Variants in CALN1 observed in about 807,000 individuals in gnomAD.
The protein encoded by CALN1 is calneuron 1.
CALN1 carries 17 observed loss-of-function variants against 30.6 expected under a neutral mutation model. That is an observed-to-expected ratio of 0.56 (90% CI 0.38 to 0.83). The LOEUF is 0.83. Among genes scored for constraint, CALN1 ranks in the 40% least tolerant of loss-of-function variants. The pLI, the probability that CALN1 is intolerant of heterozygous loss-of-function variation, is 0.00. For missense variants in CALN1, 291 were observed against 354.9 expected (o/e 0.82, Z 1.45); for synonymous variants, 156 against 131.4 (o/e 1.19, Z -1.28).
rs767661571 is a variant in CALN1, at chr7:71,810,510, A to G, written c.502-18T>C. 1 of 1,611,178 alleles carries G rather than the reference A, an allele frequency of 6.2e-7. No individual in the cohort carries two copies. The highest frequency in any genetic ancestry group is 1.3e-5 in the African/African-American group (1 of 74,944). ...ATGTCAAACTGTGGAGATAAAGAGT[A>G]GTGAGATGGTCAGAAGCATGTGGAG... is the stretch of plus-strand genomic sequence containing the variant. On this transcript the variant is annotated intron_variant, in intron 5 of 6. Transcript: ENST00000395275.
At chr7:72,495,584 C>G in the CALN1 span, among the ~76,000 whole-genome samples, 1 of 152,188 alleles carries the variant, frequency 6.6e-6, no homozygotes, top group East Asian at 1.9e-4. Context: ...GACCCCTAAG[C>G]CTGACCTCAA....
At chr7:72,353,014 AAC>A (rs1237112684) in intron 2 of CALN1, among the ~76,000 whole-genome samples, 1 of 152,170 alleles carries the variant, frequency 6.6e-6, no homozygotes, top group Non-Finnish European at 1.5e-5. Flanking sequence ...TCTTTTAAGA[AAC>A]ACAAATTACC....
chr7:72,293,443 G>A (rs968394489), intron 2 of CALN1, among the ~76,000 whole-genome samples: 21 of 152,288 alleles, frequency 1.4e-4, no homozygotes, highest in Non-Finnish European at 2.5e-4. Context: ...AAAGCAGATC[G>A]AGATGGGGAA....
intron 3 of CALN1, among the ~76,000 whole-genome samples, chr7:72,147,481 G>GAGGTGGAGAAATAGGAAC (rs775589538): frequency 9.9e-6 from 1 of 100,912 alleles, no homozygotes; most frequent in Non-Finnish European, 2.3e-5. Flanking sequence ...TGTTGGAGAG[G>GAGGTGGAGAAATAGGAAC]ACTGTTACAC....
intron 3 of CALN1, among the ~76,000 whole-genome samples, chr7:72,247,230 T>C (rs6460709): frequency 0.24 from 5,140 of 21,604 alleles, 439 homozygotes; most frequent in East Asian, 0.37. Flanking sequence ...TTTCTTTCTT[T>C]TTTTTTTTTT....
chr7:72,094,315 C>T (rs1806072060), intron 4 of CALN1, among the ~76,000 whole-genome samples: 1 of 152,072 alleles, frequency 6.6e-6, no homozygotes, highest in Non-Finnish European at 1.5e-5. Context: ...AGTGCAATGG[C>T]ACAATCTCAG....
intron 5 of CALN1, among the ~76,000 whole-genome samples, chr7:71,933,272 G>T (rs1481493061): frequency 6.6e-6 from 1 of 152,130 alleles, no homozygotes; most frequent in Non-Finnish European, 1.5e-5. Flanking sequence ...AGGTGGCCAG[G>T]CTTCCCTGCG....
chr7:72,149,992 A>C (rs1458873478), intron 3 of CALN1, among the ~76,000 whole-genome samples: 1 of 151,996 alleles, frequency 6.6e-6, no homozygotes, highest in African/African-American at 2.4e-5. Context: ...GCATGGTGGC[A>C]GATGCCTATA....
chr7:72,238,629 G>T (rs936786004), intron 3 of CALN1, among the ~76,000 whole-genome samples: 1 of 152,056 alleles, frequency 6.6e-6, no homozygotes, highest in Admixed American at 6.6e-5. Flanking sequence ...GCTCCATGTT[G>T]TTCTCATGAT....
intron 3 of CALN1, among the ~76,000 whole-genome samples, chr7:72,195,671 T>C (rs1054670248): frequency 2.6e-5 from 4 of 152,262 alleles, no homozygotes; most frequent in Admixed American, 1.3e-4. Context: ...TGAGCCACTG[T>C]GCCCAGCCAA....
chr7:71,833,916 C>CAA (rs537938682), intron 5 of CALN1, among the ~76,000 whole-genome samples: 1 of 150,552 alleles, frequency 6.6e-6, no homozygotes, highest in Non-Finnish European at 1.5e-5. Context: ...TCTTAAAAAA[C>CAA]AAAAAAAAAT....
At chr7:71,835,651 G>A (rs1235112399) in intron 5 of CALN1, among the ~76,000 whole-genome samples, 1 of 152,144 alleles carries the variant, frequency 6.6e-6, no homozygotes, top group Non-Finnish European at 1.5e-5. Context: ...TAGAAACAAG[G>A]TAACAGAGGC....
At chr7:71,894,121 A>G (rs1793405562) in intron 5 of CALN1, among the ~76,000 whole-genome samples, 1 of 152,178 alleles carries the variant, frequency 6.6e-6, no homozygotes, top group South Asian at 2.1e-4. Flanking sequence ...CCAGAGCCCT[A>G]CTTGTGGAGT....
At chr7:72,229,899 T>C (rs1441265201) in intron 3 of CALN1, among the ~76,000 whole-genome samples, 1 of 151,624 alleles carries the variant, frequency 6.6e-6, no homozygotes, top group Non-Finnish European at 1.5e-5. Context: ...TCTCAGCACT[T>C]TGGGAGGCTG....
intron 5 of CALN1, among the ~76,000 whole-genome samples, chr7:71,842,083 A>T (rs185795431): frequency 6.6e-6 from 1 of 152,124 alleles, no homozygotes. Context: ...TGATTAGGAG[A>T]GAGAGACATA....
intron 6 of CALN1, among the ~76,000 whole-genome samples, chr7:71,801,424 GTATGTATCTATCTATCTATCTATC>G (rs1172483343): frequency 5.8e-5 from 6 of 102,636 alleles, no homozygotes; most frequent in African/African-American, 1.8e-4. Flanking sequence ...ATGTATGTAT[GTATGTATCTATCTATCTATCTATC>G]TATCTATCTA....
chr7:72,482,950 C>T, the CALN1 span, among the ~76,000 whole-genome samples: 1 of 152,098 alleles, frequency 6.6e-6, no homozygotes, highest in Non-Finnish European at 1.5e-5. Flanking sequence ...TCTTTCACTT[C>T]CATTTTTGAA....
At chr7:72,314,196 T>C (rs1001203772) in intron 2 of CALN1, among the ~76,000 whole-genome samples, 1 of 152,168 alleles carries the variant, frequency 6.6e-6, no homozygotes, top group African/African-American at 2.4e-5. Flanking sequence ...TCCCCCTCCC[T>C]GACGGCAGAA....
intron 3 of CALN1, among the ~76,000 whole-genome samples, chr7:72,181,754 C>T (rs1373997756): frequency 1.3e-5 from 2 of 152,128 alleles, no homozygotes; most frequent in Non-Finnish European, 2.9e-5. Context: ...GGATTACGGG[C>T]ATGAGCCACC....
Sources: gnomAD v4.1 joint callset for allele counts (sites outside exome capture counted in the v4.1 genomes callset) on GRCh38, gnomAD v4.1.1 for gene constraint, MANE v1.5 for transcripts, NCBI Gene and HGNC (gene_info 2026-07-23, HGNC 2026-07-21) for gene names.